ARHGAP31: variants seen among roughly 807,000 people sequenced by gnomAD.
The protein encoded by ARHGAP31 is rho GTPase-activating protein 31.
In ARHGAP31, 34 loss-of-function variants were observed where a neutral mutation model predicts 113.9. The observed-to-expected ratio is 0.30, with a 90% CI of 0.23 to 0.40. The LOEUF (loss-of-function observed/expected upper bound fraction) is 0.40. ARHGAP31 is among the 10% of genes least tolerant of loss of function. ARHGAP31 has a pLI of 1.00. For synonymous variants in ARHGAP31, 650 were observed against 684.8 expected, an observed-to-expected ratio of 0.95 and a Z score of 0.79; for missense variants, 1,548 against 1,767.1, an observed-to-expected ratio of 0.88 and a Z score of 2.22.
intron 2 of ARHGAP31, among the ~76,000 whole-genome samples, 156 bp downstream of exon 2, chr3:119,365,574 G>A (rs530777876): frequency 6.6e-6 from 1 of 152,328 alleles, no homozygotes; most frequent in South Asian, 2.1e-4. Context: ...ATGCCTGACT[G>A]TTCTTAATCT....
intron 3 of ARHGAP31, among the ~76,000 whole-genome samples, chr3:119,370,422 C>A (rs976414381): frequency 7.2e-5 from 11 of 151,966 alleles, no homozygotes; most frequent in African/African-American, 2.7e-4. Context: ...TTTCCAAAAT[C>A]AAAATAAAAT....
chr3:119,346,740 A>C (rs2080060900), intron 1 of ARHGAP31, among the ~76,000 whole-genome samples: 1 of 152,210 alleles, frequency 6.6e-6, no homozygotes, highest in South Asian at 2.1e-4. Flanking sequence ...TTAAGCCCTA[A>C]TCCTGAAAAT....
rs1239955501 is a variant in ARHGAP31 at position 119,383,166 on chromosome 3, A to G, written c.622A>G (p.Ile208Val). The G allele has an allele frequency of 2.5e-6, 4 of 1,614,124 alleles. No individual in the cohort carries two copies. Among genetic ancestry groups the G allele is most frequent in the Non-Finnish European group, 3.4e-6 (4 of 1,180,048 alleles). ...GGTCCAGCAGGTGGTGATTGAGTTCATATTGAATCATGTAGATCAAATCTT... is the reference window on the plus strand; with the variant it reads ...GGTCCAGCAGGTGGTGATTGAGTTCGTATTGAATCATGTAGATCAAATCTT... ...VRVQQVVIEF[I>V]LNHVDQIFNN... Residue 208 changes from isoleucine to valine, a missense_variant, in exon 6 of 12, where the codon ATA (isoleucine) becomes GTA (valine). By Grantham distance (29) the Ile-to-Val change is conservative (BLOSUM62 3). Coordinates refer to ENST00000264245, the MANE Select transcript of ARHGAP31 (RefSeq NM_020754.4).
chr3:119,354,400 T>G (rs1311482536), intron 1 of ARHGAP31, among the ~76,000 whole-genome samples: 1 of 152,042 alleles, frequency 6.6e-6, no homozygotes, highest in African/African-American at 2.4e-5. Context: ...AAATTAAAAA[T>G]AGAGAAAAGC....
At chr3:119,305,928 C>A (rs1001499130) in intron 1 of ARHGAP31, among the ~76,000 whole-genome samples, 3 of 152,152 alleles carry the variant, frequency 2.0e-5, no homozygotes, top group Admixed American at 6.5e-5. Flanking sequence ...TGTTTTCCCC[C>A]CTCCTAAGCC....
At chr3:119,338,512 C>A (rs1344579057) in intron 1 of ARHGAP31, among the ~76,000 whole-genome samples, 1 of 152,122 alleles carries the variant, frequency 6.6e-6, no homozygotes, top group Non-Finnish European at 1.5e-5. Context: ...GTGTTTTAAA[C>A]TTAAAACAGT....
intron 7 of ARHGAP31, among the ~76,000 whole-genome samples, chr3:119,393,102 G>C (rs1417089458): frequency 1.3e-5 from 2 of 152,222 alleles, no homozygotes; most frequent in Non-Finnish European, 2.9e-5. Context: ...TGAATGAATG[G>C]TGTCTTTGAA....
intron 1 of ARHGAP31, among the ~76,000 whole-genome samples, chr3:119,320,639 A>G (rs2079774371): frequency 6.6e-6 from 1 of 152,212 alleles, no homozygotes; most frequent in Non-Finnish European, 1.5e-5. Context: ...TAAAAGTTCC[A>G]TTACTTCTGC....
At chr3:119,368,913 T>A (rs931657901) in intron 3 of ARHGAP31, among the ~76,000 whole-genome samples, 1 of 152,162 alleles carries the variant, frequency 6.6e-6, no homozygotes, top group African/African-American at 2.4e-5. Flanking sequence ...CCATTCCCTC[T>A]GTGTTTCTTT....
chr3:119,402,204 G>C lies in ARHGAP31; in HGVS notation c.1452G>C (p.Leu484=), dbSNP rs1431394589. 1.2e-6 allele frequency: 2 copies of C among 1,614,282 alleles called. No individual in the cohort carries two copies. The highest frequency in any genetic ancestry group is 1.7e-5 in the Admixed American group (1 of 60,038). The change falls in exon 10 of 12, where the codon CTG becomes CTC. Residue 484 remains leucine (L), a synonymous_variant. Coordinates refer to ENST00000264245, the MANE Select transcript of ARHGAP31 (RefSeq NM_020754.4). ...EPSPRNQRKA[L]NISEPFAVSV... ...CGCCGCGTAACCAGCGCAAGGCGCT[G>C]AACATCTCCGAGCCCTTTGCGGTAT...
intron 3 of ARHGAP31, among the ~76,000 whole-genome samples, chr3:119,379,651 C>T (rs1302445723): frequency 6.6e-6 from 1 of 151,978 alleles, no homozygotes; most frequent in East Asian, 1.9e-4. Context: ...AGCAAGTTTC[C>T]AGCACTGGTA....
chr3:119,378,488 C>T (rs983555011), intron 3 of ARHGAP31, among the ~76,000 whole-genome samples: 1 of 152,060 alleles, frequency 6.6e-6, no homozygotes, highest in African/African-American at 2.4e-5. Context: ...AAGGAACTTT[C>T]CATGAGGGTT....
chr3:119,299,379 G>A (rs751256304), intron 1 of ARHGAP31, among the ~76,000 whole-genome samples: 2 of 152,070 alleles, frequency 1.3e-5, no homozygotes, highest in Admixed American at 6.5e-5. Flanking sequence ...AGTTCTTACC[G>A]CACTTGAAAA....
chr3:119,409,992 A>G (rs1035253785), intron 11 of ARHGAP31, among the ~76,000 whole-genome samples: 4 of 152,240 alleles, frequency 2.6e-5, no homozygotes, highest in African/African-American at 9.6e-5. Flanking sequence ...CATCCTGTTC[A>G]GATTCCCTAA....
chr3:119,381,671 A>G (rs552475126), intron 4 of ARHGAP31, among the ~76,000 whole-genome samples: 2 of 152,332 alleles, frequency 1.3e-5, no homozygotes, highest in East Asian at 3.9e-4. Context: ...GCCCTGGTTG[A>G]AAGGACGAAC....
At chr3:119,372,215 A>G (rs534812963) in intron 3 of ARHGAP31, among the ~76,000 whole-genome samples, 97 of 149,512 alleles carry the variant, frequency 6.5e-4, no homozygotes, top group Admixed American at 2.1e-3. Context: ...ATTGATTTAC[A>G]CTCCCAACAG....
At chr3:119,370,274 T>C (rs1215327344) in intron 3 of ARHGAP31, among the ~76,000 whole-genome samples, 14 of 152,180 alleles carry the variant, frequency 9.2e-5, no homozygotes, top group Admixed American at 7.9e-4. Context: ...AGTAATCCTA[T>C]TTAATAAAAG....
In ARHGAP31 at chr3:119,414,404, A is replaced by C. The variant is rs772306131; in HGVS notation, c.2475A>C (p.Gln825His). The change falls in exon 12 of 12, where the codon CAA becomes CAC. Residue 825 changes from glutamine to histidine, a missense_variant. Coordinates refer to ENST00000264245, the MANE Select transcript of ARHGAP31 (RefSeq NM_020754.4). The stretch of plus-strand genomic sequence containing the variant: ...TCTACATAGACCAGCTGAAGTCCCA[A>C]GACAGCCCTGAGATCTCTAGCCTCT... The part of the protein sequence containing the change: ...TDLYIDQLKS[Q>H]DSPEISSLCQ... 1.2e-6 allele frequency: 2 copies of C among 1,614,216 alleles called. No homozygotes were observed. Among genetic ancestry groups the C allele is most frequent in the Admixed American group, 3.3e-5 (2 of 60,028 alleles).
intron 1 of ARHGAP31, among the ~76,000 whole-genome samples, chr3:119,300,842 AAAAGAAAGAAAGAAAG>A (rs543721008): frequency 9.3e-5 from 13 of 139,038 alleles, no homozygotes; most frequent in Non-Finnish European, 1.5e-4. Context: ...AAAAAAAAAA[AAAAGAAAGAAAGAAAG>A]AAAGAAAGAA....
Sources: gnomAD v4.1 joint callset for allele counts (sites outside exome capture counted in the v4.1 genomes callset) on GRCh38, gnomAD v4.1.1 for gene constraint, MANE v1.5 for transcripts, NCBI Gene and HGNC (gene_info 2026-07-23, HGNC 2026-07-21) for gene names.